The following IKZF3 variants were observed in gnomAD, a reference collection of about 807,000 sequenced individuals.
The protein encoded by IKZF3 is zinc finger protein Aiolos.
IKZF3 carries 10 observed loss-of-function variants against 49.0 expected under a neutral mutation model. The observed-to-expected ratio is 0.20, with a 90% confidence interval of 0.13 to 0.35. The LOEUF (loss-of-function observed/expected upper bound fraction) is 0.35, where lower values mean the gene tolerates loss of function less well. IKZF3 is among the 10% of genes least tolerant of loss of function. The pLI is 1.00. For missense variants in IKZF3, 498 were observed against 664.8 expected, an observed-to-expected ratio of 0.75 and a Z score of 2.76; for synonymous variants, 209 against 228.2, an observed-to-expected ratio of 0.92 and a Z score of 0.76.
rs529381521 is a variant in IKZF3, at chr17:39,759,135, G to A, written c.*6655C>T. 5.9e-5 allele frequency: 9 copies of A among 151,946 alleles called. No individual in the cohort carries two copies. Among genetic ancestry groups the A allele is most frequent in the Non-Finnish European group, 1.0e-4 (7 of 68,010 alleles). 9.4% of individuals were successfully genotyped at this position (151,946 alleles called of 1,614,324 possible). A position where few individuals can be genotyped will look rare whatever the true frequency, so the allele number is the denominator to read the frequency against. ...GATACAGTATTAAGAAGAAACTCAG[G>A]CCAGCCGCGGTGCCTCACGCCTGTA... is the stretch of plus-strand genomic sequence containing the variant. On this transcript the variant is annotated 3_prime_UTR_variant, in exon 8 of 8. Transcript: ENST00000346872.
intron 3 of IKZF3, among the ~76,000 whole-genome samples, chr17:39,818,342 A>T (rs2061724029): frequency 6.6e-6 from 1 of 152,210 alleles, no homozygotes; most frequent in Admixed American, 6.5e-5. Context: ...AGAAATTAGT[A>T]ACAATAACAA....
intron 7 of IKZF3, among the ~76,000 whole-genome samples, chr17:39,775,905 C>T (rs912594879): frequency 7.3e-6 from 1 of 136,152 alleles, no homozygotes; most frequent in Non-Finnish European, 1.6e-5. Flanking sequence ...GCCTGGGCGA[C>T]AAGAGTGAAA....
At chr17:39,766,679 A>G (rs1362728360) in intron 7 of IKZF3, among the ~76,000 whole-genome samples, 186 bp from the exon 8 acceptor site, 1 of 152,132 alleles carries the variant, frequency 6.6e-6, no homozygotes, top group Non-Finnish European at 1.5e-5. Context: ...ACGTGTTTGG[A>G]TGGTTAAAAT....
Position 39,765,742 on chromosome 17 carries a change from T to A in IKZF3, c.*48A>T. The A allele has an allele frequency of 6.9e-7, 1 of 1,439,912 alleles. No individual in the cohort carries two copies. Among genetic ancestry groups the A allele is most frequent in the South Asian group, 1.3e-5 (1 of 76,152 alleles). The allele number at this position is 1,439,912 out of a possible 1,614,324, so 89.2% of individuals were successfully genotyped here. A position where few individuals can be genotyped will look rare whatever the true frequency, so the allele number is the denominator to read the frequency against. On this transcript the variant is annotated 3_prime_UTR_variant, in exon 8 of 8. Transcript: ENST00000346872. ...AATCTGTTAGGCGAGGTCATTGGTT[T>A]TTAGAAACGATGCTGAATACATAGG...
At chr17:39,852,788 G>A (rs2062917078) in intron 1 of IKZF3, among the ~76,000 whole-genome samples, 1 of 152,094 alleles carries the variant, frequency 6.6e-6, no homozygotes, top group African/African-American at 2.4e-5. Context: ...TGACCAACAA[G>A]GTGAAACCCT....
chr17:39,831,776 G>A lies in IKZF3; in HGVS notation c.61+322C>T, dbSNP rs143899485. Among the ~76,000 whole-genome samples, 111 of 152,196 alleles carry A rather than the reference G, an allele frequency of 7.3e-4. 1 individual carries two copies. The highest frequency in any genetic ancestry group is 4.2e-3 in the South Asian group (20 of 4,816). On this transcript the variant is annotated intron_variant, in intron 2 of 7. Transcript: ENST00000346872. ...AGACCACTGTTCTACAGTAAAAATC[G>A]CAAGTCATTCAAATACAAGCTACTA...
intron 3 of IKZF3, among the ~76,000 whole-genome samples, chr17:39,809,469 G>A (rs1270805443): frequency 6.6e-6 from 1 of 152,188 alleles, no homozygotes; most frequent in African/African-American, 2.4e-5. Context: ...CTTTAGGCCT[G>A]GCTCTGACAT....
intron 6 of IKZF3, chr17:39,778,094 G>A (rs957079345): frequency 2.1e-5 from 21 of 1,015,832 alleles, no homozygotes; most frequent in Middle Eastern, 4.7e-4. Context: ...TCTAACCCCC[G>A]ATCAGCCTTC....
chr17:39,758,327 A>G lies in IKZF3; in HGVS notation c.*7463T>C, dbSNP rs925962427. The G allele has an allele frequency of 1.3e-5, 2 of 152,234 alleles. No individual in the cohort carries two copies. The highest frequency in any genetic ancestry group is 6.5e-5 in the Admixed American group (1 of 15,278). The allele number at this position is 152,234 out of a possible 1,614,324, so 9.4% of individuals were successfully genotyped here. ...TAATTTGGTTTCTGTGAACCCACAG[A>G]AGCAGGCCCACCAAAAAGGGCCTTG... is the stretch of plus-strand genomic sequence containing the variant. On this transcript the variant is annotated 3_prime_UTR_variant, in exon 8 of 8. Transcript: ENST00000346872.
chr17:39,809,339 T>C (rs1454169567), intron 3 of IKZF3, among the ~76,000 whole-genome samples: 2 of 152,190 alleles, frequency 1.3e-5, no homozygotes, highest in Non-Finnish European at 2.9e-5. Flanking sequence ...ACCAGGCAGC[T>C]AAACGAGAAA....
At position 39,761,395 on chromosome 17, in the gene IKZF3, C is replaced by T. The variant is rs765339222; in HGVS notation, c.*4395G>A. 1.3e-5 allele frequency: 2 copies of T among 151,368 alleles called. No homozygotes were observed. Among genetic ancestry groups the T allele is most frequent in the Non-Finnish European group, 1.5e-5 (1 of 67,894 alleles). The allele number at this position is 151,368 out of a possible 1,614,324, so 9.4% of individuals were successfully genotyped here. Reference sequence around the variant, plus strand: ...TTAGTTTTCTTTCCGTAGGAAGTACCGATGCAACACTTCAGGTAGTGACAG... The same window carrying T: ...TTAGTTTTCTTTCCGTAGGAAGTACTGATGCAACACTTCAGGTAGTGACAG... On this transcript the variant is annotated 3_prime_UTR_variant, in exon 8 of 8. Coordinates refer to ENST00000346872, the MANE Select transcript of IKZF3 (RefSeq NM_012481.5).
At chr17:39,841,059 C>T (rs1174701835) in intron 1 of IKZF3, among the ~76,000 whole-genome samples, 1 of 152,116 alleles carries the variant, frequency 6.6e-6, no homozygotes, top group African/African-American at 2.4e-5. Context: ...AGCCTGTAGT[C>T]CCAGTCACTC....
intron 3 of IKZF3, among the ~76,000 whole-genome samples, chr17:39,800,833 G>T (rs2061299025): frequency 6.6e-6 from 1 of 152,156 alleles, no homozygotes; most frequent in Admixed American, 6.5e-5. Flanking sequence ...TCCTGGAAAG[G>T]ATCCAACATC....
At chr17:39,832,348 T>G (rs1189439874) in intron 1 of IKZF3, among the ~76,000 whole-genome samples, 197 bp from the exon 2 acceptor site, 1 of 152,008 alleles carries the variant, frequency 6.6e-6, no homozygotes, top group Non-Finnish European at 1.5e-5. Context: ...TGCAGCAATG[T>G]TACTCTAAGA....
chr17:39,854,883 C>T (rs2062993360), intron 1 of IKZF3, among the ~76,000 whole-genome samples: 1 of 152,126 alleles, frequency 6.6e-6, no homozygotes, highest in African/African-American at 2.4e-5. Flanking sequence ...GGTACTGAAG[C>T]TGTGTTGTGG....
chr17:39,851,311 G>A (rs960623117), intron 1 of IKZF3, among the ~76,000 whole-genome samples: 6 of 151,980 alleles, frequency 3.9e-5, no homozygotes, highest in African/African-American at 1.5e-4. Context: ...TTACAGGCGT[G>A]AGCCAGCGTG....
At chr17:39,835,729 G>A in intron 1 of IKZF3, 1 of 506,892 alleles carries the variant, frequency 2.0e-6, no homozygotes, top group East Asian at 5.0e-5. Flanking sequence ...TCATACAGCT[G>A]CCTGAGGAAG....
intron 1 of IKZF3, among the ~76,000 whole-genome samples, chr17:39,842,885 A>C (rs773924735): frequency 6.6e-6 from 1 of 152,238 alleles, no homozygotes; most frequent in Non-Finnish European, 1.5e-5. Context: ...CATCATCAGT[A>C]ATGGGACAAA....
chr17:39,765,727 G>A lies in IKZF3; in HGVS notation c.*63C>T. On this transcript the variant is annotated 3_prime_UTR_variant, in exon 8 of 8. Coordinates refer to ENST00000346872, the MANE Select transcript of IKZF3 (RefSeq NM_012481.5). ...GTATGTTTTGAGAGCAATCTGTTAG[G>A]CGAGGTCATTGGTTTTTAGAAACGA... is the stretch of plus-strand genomic sequence containing the variant. 8.0e-7 allele frequency: 1 copy of A among 1,247,132 alleles called. No homozygotes were observed. The highest frequency in any genetic ancestry group is 1.1e-6 in the Non-Finnish European group (1 of 881,006). 77.3% of individuals were successfully genotyped at this position (1,247,132 alleles called of 1,614,324 possible). A position where few individuals can be genotyped will look rare whatever the true frequency, so the allele number is the denominator to read the frequency against.
Sources: allele counts gnomAD v4.1 joint callset (sites outside exome capture counted in the v4.1 genomes callset), GRCh38; gene constraint gnomAD v4.1.1; transcripts MANE v1.5; gene names NCBI Gene and HGNC (gene_info 2026-07-23, HGNC 2026-07-21).